HECW1: variants seen among roughly 807,000 people sequenced by gnomAD.
The protein encoded by HECW1 is E3 ubiquitin-protein ligase HECW1.
Under a neutral mutation model 182.3 loss-of-function variants are expected in HECW1, and 61 were observed. The ratio of observed to expected loss-of-function variants is 0.33; its 90% CI spans 0.27 to 0.41. The LOEUF (loss-of-function observed/expected upper bound fraction) is 0.41. Ranked by LOEUF, HECW1 falls within the 10% of genes least tolerant of loss-of-function variation. HECW1 has a pLI of 1.00. For missense variants in HECW1, 1,739 were observed against 2,108.9 expected, an observed-to-expected ratio of 0.82 and a Z score of 3.44; for synonymous variants, 859 against 832.6, an observed-to-expected ratio of 1.03 and a Z score of -0.55.
At position 43,214,781 on chromosome 7, in the gene HECW1, A is replaced by T. The variant is rs376472802; in HGVS notation, c.-31-29094A>T. ...GGGCACTAGCCCAGAAGGAGGAGGA[A>T]CCCCCAGAGAGGGGCCAGCTCACAG... On this transcript the variant is annotated intron_variant, in intron 2 of 29. Coordinates refer to ENST00000395891, the MANE Select transcript of HECW1 (RefSeq NM_015052.5). 5.9e-5 allele frequency among the ~76,000 whole-genome samples: 9 copies of T among 152,164 alleles called. No homozygotes were observed. In the East Asian group the frequency reaches 9.7e-4, roughly 16 times the overall value.
intron 9 of HECW1, chr7:43,440,003 GCTC>G (rs922670110): frequency 9.2e-5 from 14 of 152,512 alleles, no homozygotes; most frequent in African/African-American, 3.1e-4. Context: ...GCGCAGAGCA[GCTC>G]CTCCTCCAAA....
At chr7:43,507,589 A>G (rs1181386482) in intron 22 of HECW1, among the ~76,000 whole-genome samples, 2 of 152,198 alleles carry the variant, frequency 1.3e-5, no homozygotes, top group East Asian at 3.9e-4. Context: ...ATTTCCCTTC[A>G]CTTATTCTTG....
At chr7:43,365,531 T>G (rs956404537) in intron 6 of HECW1, among the ~76,000 whole-genome samples, 1 of 152,184 alleles carries the variant, frequency 6.6e-6, no homozygotes, top group African/African-American at 2.4e-5. Flanking sequence ...TAGTCAAAGA[T>G]GTATTTCTTA....
At chr7:43,510,893 C>A (rs563575460) in intron 24 of HECW1, 2 of 152,168 alleles carry the variant, frequency 1.3e-5, no homozygotes, top group Admixed American at 6.5e-5. Context: ...ATACTGTGGC[C>A]CACACTTGGC....
intron 24 of HECW1, among the ~76,000 whole-genome samples, chr7:43,536,939 G>A (rs2081197835): frequency 1.3e-5 from 2 of 152,220 alleles, no homozygotes; most frequent in Admixed American, 6.5e-5. Context: ...GCTGCAGCCT[G>A]GGCAGGCAGC....
At chr7:43,147,833 A>C (rs1788879649) in intron 2 of HECW1, among the ~76,000 whole-genome samples, 1 of 152,070 alleles carries the variant, frequency 6.6e-6, no homozygotes, top group South Asian at 2.1e-4. Context: ...CGTCTAGTTT[A>C]TTTTCAGTCT....
chr7:43,446,152 G>GTTT (rs1554420466), intron 11 of HECW1, among the ~76,000 whole-genome samples: 11 of 127,788 alleles, frequency 8.6e-5, no homozygotes, highest in African/African-American at 3.1e-4. Flanking sequence ...TGTTGGTTTT[G>GTTT]TTTTGTTGTT....
At position 43,152,296 on chromosome 7, in the gene HECW1, A is replaced by G. The variant is rs548709866; in HGVS notation, c.-32+37905A>G. On this transcript the variant is annotated intron_variant, in intron 2 of 29. Coordinates refer to ENST00000395891, the MANE Select transcript of HECW1 (RefSeq NM_015052.5). The stretch of plus-strand genomic sequence containing the variant: ...AAGATAGTACATACGTGAGACAGTT[A>G]TAAGCATTGAAAGCAGTAATCTCAC... Among the ~76,000 whole-genome samples, 12 of 152,366 alleles carry G rather than the reference A, an allele frequency of 7.9e-5. No homozygotes were observed. In the South Asian group the frequency reaches 2.1e-3, roughly 26 times the overall value.
chr7:43,438,077 C>T lies in HECW1; in HGVS notation c.876C>T (p.Pro292=). 6.2e-7 allele frequency: 1 copy of T among 1,614,044 alleles called. No individual in the cohort carries two copies. ...EVKDKFAKSR[P]IIKRFLGKLS... ...AGGACAAGTTTGCCAAGAGCCGCCC[C>T]ATCATCAAGCGCTTCTTGGGAAAGC... Residue 292 remains proline (P), a synonymous_variant, in exon 9 of 30, where the codon CCC becomes CCT. Transcript: ENST00000395891.
At chr7:43,291,773 G>A (rs1174993467) in intron 3 of HECW1, among the ~76,000 whole-genome samples, 1 of 152,198 alleles carries the variant, frequency 6.6e-6, no homozygotes, top group Non-Finnish European at 1.5e-5. Flanking sequence ...GTTTAATAAT[G>A]TATATCTCAT....
chr7:43,183,538 T>A (rs576061717), intron 2 of HECW1, among the ~76,000 whole-genome samples: 1 of 152,294 alleles, frequency 6.6e-6, no homozygotes, highest in East Asian at 1.9e-4. Flanking sequence ...ACACATACAC[T>A]TATTTAAAAA....
intron 6 of HECW1, among the ~76,000 whole-genome samples, chr7:43,373,086 C>G (rs1342700399): frequency 6.6e-6 from 1 of 151,976 alleles, no homozygotes; most frequent in Non-Finnish European, 1.5e-5. Context: ...ATGCCCCAAA[C>G]CTGGAGCAGG....
intron 2 of HECW1, among the ~76,000 whole-genome samples, chr7:43,217,919 C>G (rs1300533701): frequency 1.3e-5 from 2 of 152,124 alleles, no homozygotes; most frequent in Non-Finnish European, 2.9e-5. Context: ...AGCCTGGCCA[C>G]CAGCACCCGA....
At chr7:43,136,848 C>T (rs1583642861) in intron 2 of HECW1, among the ~76,000 whole-genome samples, 2 of 152,256 alleles carry the variant, frequency 1.3e-5, no homozygotes, top group East Asian at 3.9e-4. Flanking sequence ...CTGGTGGTGG[C>T]CGACTCTAGC....
intron 2 of HECW1, among the ~76,000 whole-genome samples, chr7:43,149,139 A>G (rs567037233): frequency 5.6e-4 from 86 of 152,316 alleles, no homozygotes; most frequent in African/African-American, 1.9e-3. Flanking sequence ...CATAGTATCA[A>G]TGTATCTCCC....
chr7:43,221,543 T>G (rs929775355), intron 2 of HECW1, among the ~76,000 whole-genome samples: 4 of 20,940 alleles, frequency 1.9e-4, no homozygotes, highest in Admixed American at 3.5e-4. Flanking sequence ...TTAGGTTTTT[T>G]TTTTTTTTTT....
At chr7:43,223,536 T>C (rs560574196) in intron 2 of HECW1, among the ~76,000 whole-genome samples, 39 of 152,182 alleles carry the variant, frequency 2.6e-4, no homozygotes, top group African/African-American at 9.4e-4. Flanking sequence ...GGAGAATCGC[T>C]TGAACCTGGG....
chr7:43,127,671 C>A (rs1485565602), intron 2 of HECW1, among the ~76,000 whole-genome samples: 1 of 152,068 alleles, frequency 6.6e-6, no homozygotes, highest in Admixed American at 6.6e-5. Flanking sequence ...TAATTCTCTC[C>A]AATTCTATGA....
chr7:43,283,469 A>C (rs988809503), intron 3 of HECW1, among the ~76,000 whole-genome samples: 1 of 152,252 alleles, frequency 6.6e-6, no homozygotes, highest in Admixed American at 6.5e-5. Flanking sequence ...TTTATTTTGC[A>C]TAAAATATGT....
Sources: gnomAD v4.1 joint callset for allele counts (sites outside exome capture counted in the v4.1 genomes callset) on GRCh38, gnomAD v4.1.1 for gene constraint, MANE v1.5 for transcripts, NCBI Gene and HGNC (gene_info 2026-07-23, HGNC 2026-07-21) for gene names.